NAALADL2: variants seen among roughly 807,000 people sequenced by gnomAD.
The protein encoded by NAALADL2 is N-acetylated alpha-linked acidic dipeptidase like 2, also known as inactive N-acetylated-alpha-linked acidic dipeptidase-like protein 2.
A neutral mutation model predicts 87.2 loss-of-function variants in NAALADL2; 76 were observed. That is an observed-to-expected ratio of 0.87 (90% CI 0.72 to 1.05). The LOEUF is 1.05. Ranked by LOEUF, NAALADL2 falls within the 50% of genes least tolerant of loss-of-function variation. The pLI is 0.00. For synonymous variants in NAALADL2, 354 were observed against 331.0 expected (o/e 1.07, Z -0.75); for missense variants, 1,089 against 945.8 (o/e 1.15, Z -1.99).
At chr3:175,218,538 G>A (rs1283237764) in intron 2 of NAALADL2, among the ~76,000 whole-genome samples, 5 of 151,358 alleles carry the variant, frequency 3.3e-5, no homozygotes, top group African/African-American at 9.8e-5. Flanking sequence ...TTTATAAAGT[G>A]AACTTACCAC....
intron 2 of NAALADL2, among the ~76,000 whole-genome samples, chr3:175,155,571 CT>C (rs965841068): frequency 1.3e-5 from 2 of 151,780 alleles, no homozygotes; most frequent in African/African-American, 2.4e-5. Context: ...GTTTTCTTGT[CT>C]TTTTTTTCTT....
intron 1 of NAALADL2, among the ~76,000 whole-genome samples, chr3:174,498,113 G>A (rs886463404): frequency 6.6e-6 from 1 of 151,994 alleles, no homozygotes; most frequent in Non-Finnish European, 1.5e-5. Context: ...GTTTATATGT[G>A]TGATATTATC....
chr3:175,079,568 G>C (rs999294747), intron 1 of NAALADL2: 1 of 152,110 alleles, frequency 6.6e-6, no homozygotes, highest in Non-Finnish European at 1.5e-5. Context: ...TTGGATAAAG[G>C]CATCCAAATT....
At chr3:175,734,106 C>T (rs1436146670) in intron 11 of NAALADL2, among the ~76,000 whole-genome samples, 2 of 152,218 alleles carry the variant, frequency 1.3e-5, no homozygotes. Flanking sequence ...GCGTGGCCCT[C>T]TTCTCACAGC....
At chr3:175,788,644 C>T (rs1430891004) in intron 13 of NAALADL2, among the ~76,000 whole-genome samples, 4 of 152,070 alleles carry the variant, frequency 2.6e-5, no homozygotes, top group Non-Finnish European at 5.9e-5. Flanking sequence ...TATAATGATG[C>T]ATTTATCAGA....
At chr3:175,012,760 C>T (rs1330199245) in intron 1 of NAALADL2, among the ~76,000 whole-genome samples, 1 of 151,696 alleles carries the variant, frequency 6.6e-6, no homozygotes, top group Non-Finnish European at 1.5e-5. Flanking sequence ...CTTGCAAAGC[C>T]TCAAAGCATA....
At chr3:175,694,018 A>G (rs1737406013) in intron 11 of NAALADL2, among the ~76,000 whole-genome samples, 1 of 152,140 alleles carries the variant, frequency 6.6e-6, no homozygotes, top group Admixed American at 6.6e-5. Context: ...AATTACCAAA[A>G]TAATTTATAG....
chr3:174,710,954 G>C (rs1730568648), intron 2 of NAALADL2, among the ~76,000 whole-genome samples: 1 of 152,160 alleles, frequency 6.6e-6, no homozygotes, highest in Non-Finnish European at 1.5e-5. Flanking sequence ...TGAAGCCACT[G>C]TTTGTGGTAA....
intron 1 of NAALADL2, among the ~76,000 whole-genome samples, chr3:174,882,088 T>C (rs1297131371): frequency 6.6e-6 from 1 of 152,152 alleles, no homozygotes; most frequent in African/African-American, 2.4e-5. Flanking sequence ...AACTTCTTTC[T>C]TGTATTTAAG....
At chr3:175,187,179 T>C (rs939628738) in intron 2 of NAALADL2, among the ~76,000 whole-genome samples, 2 of 152,152 alleles carry the variant, frequency 1.3e-5, no homozygotes, top group Non-Finnish European at 2.9e-5. Flanking sequence ...AGTTCACATA[T>C]TTATTTGATC....
At chr3:174,445,014 T>G (rs939934203) in intron 1 of NAALADL2, among the ~76,000 whole-genome samples, 79 of 151,158 alleles carry the variant, frequency 5.2e-4, no homozygotes, top group African/African-American at 1.2e-3. Flanking sequence ...GTTTGAGATT[T>G]TTTTTTTTTT....
At chr3:174,885,557 C>T (rs894624140) in intron 1 of NAALADL2, among the ~76,000 whole-genome samples, 3 of 152,116 alleles carry the variant, frequency 2.0e-5, no homozygotes, top group Non-Finnish European at 4.4e-5. Context: ...ATTCTCTAAA[C>T]AGTTTATGCC....
chr3:174,521,538 C>CTCCA (rs1212380622), intron 1 of NAALADL2, among the ~76,000 whole-genome samples: 3 of 133,158 alleles, frequency 2.3e-5, no homozygotes, highest in Admixed American at 1.7e-4. Flanking sequence ...TGCCACTGCA[C>CTCCA]TCCAGCCTGG....
chr3:174,827,072 AG>A (rs1404031839), intron 3 of NAALADL2, among the ~76,000 whole-genome samples: 6 of 152,174 alleles, frequency 3.9e-5, no homozygotes, highest in African/African-American at 1.4e-4. Flanking sequence ...AAACTTCTTG[AG>A]TTCAATCTTC....
chr3:175,468,406 C>G (rs1724405076), intron 8 of NAALADL2, among the ~76,000 whole-genome samples: 2 of 152,014 alleles, frequency 1.3e-5, no homozygotes, highest in Admixed American at 1.3e-4. Flanking sequence ...ACCAACCTCT[C>G]AAACTCATAT....
intron 2 of NAALADL2, among the ~76,000 whole-genome samples, chr3:174,626,950 A>G (rs931561134): frequency 4.6e-5 from 7 of 152,102 alleles, no homozygotes; most frequent in African/African-American, 7.2e-5. Flanking sequence ...ATAGTTTACA[A>G]AGATGATTCA....
chr3:174,609,013 G>A lies in NAALADL2; in HGVS notation c.-115+58376G>A, dbSNP rs371549388. Among the ~76,000 whole-genome samples, 550 of 151,184 alleles carry A rather than the reference G, an allele frequency of 3.6e-3. 3 individuals carry two copies. The highest frequency in any genetic ancestry group is 8.1e-3 in the African/African-American group (333 of 41,250). ...GGGATGCAAGGCTGGTTCAATATAC[G>A]CAAATCAATAAATGTAATCCAGCAT... is the stretch of plus-strand genomic sequence containing the variant. On this transcript the variant is annotated intron_variant, in intron 2 of 3. Coordinates refer to the NAALADL2 transcript ENST00000434257.
In NAALADL2 at chr3:174,882,586, T is replaced by C. The variant is rs887270007; in HGVS notation, c.43+23136T>C. On this transcript the variant is annotated intron_variant, in intron 1 of 13. Transcript: ENST00000454872. ...ATATATACATATGTGCTTATACACATATGTGTATATACACATACATATATG... is the reference window on the plus strand; with the variant it reads ...ATATATACATATGTGCTTATACACACATGTGTATATACACATACATATATG... Among the ~76,000 whole-genome samples the C allele has an allele frequency of 1.4e-4, 21 of 147,338 alleles. 1 individual carries two copies. Among genetic ancestry groups the C allele is most frequent in the African/African-American group, 4.2e-4 (16 of 38,446 alleles).
At chr3:175,167,863 G>T (rs1560112117) in intron 2 of NAALADL2, among the ~76,000 whole-genome samples, 1 of 151,872 alleles carries the variant, frequency 6.6e-6, no homozygotes, top group Non-Finnish European at 1.5e-5. Flanking sequence ...TTTTATTACA[G>T]TTTTGCAGCA....
Sources: allele counts gnomAD v4.1 joint callset (sites outside exome capture counted in the v4.1 genomes callset), GRCh38; gene constraint gnomAD v4.1.1; transcripts MANE v1.5; gene names NCBI Gene and HGNC (gene_info 2026-07-23, HGNC 2026-07-21).